The following MAST2 variants were observed in gnomAD, a reference collection of about 807,000 sequenced individuals.
MAST2 encodes the protein microtubule-associated serine/threonine-protein kinase 2.
Under a neutral mutation model 147.4 loss-of-function variants are expected in MAST2, and 70 were observed. The ratio of observed to expected loss-of-function variants is 0.47; its 90% CI spans 0.39 to 0.58. MAST2 has a LOEUF of 0.58. Among genes scored for constraint, MAST2 ranks in the 20% least tolerant of loss-of-function variants. The pLI is 0.00. For missense variants in MAST2, 2,080 were observed against 2,302.3 expected, an observed-to-expected ratio of 0.90 and a Z score of 1.98; for synonymous variants, 869 against 896.8, an observed-to-expected ratio of 0.97 and a Z score of 0.55.
intron 3 of MAST2, among the ~76,000 whole-genome samples, chr1:45,860,684 T>C (rs970462922): frequency 3.3e-5 from 5 of 151,546 alleles, no homozygotes; most frequent in African/African-American, 1.2e-4. Flanking sequence ...ATACAAAAAT[T>C]AGCCAAGCGT....
rs2148612126 is a variant in MAST2 at position 45,803,797 on chromosome 1, G to T, written c.-99G>T. On this transcript the variant is annotated 5_prime_UTR_variant, in exon 1 of 29. Coordinates refer to ENST00000361297, the MANE Select transcript of MAST2 (RefSeq NM_015112.3). ...GGCTTAGGGAGCCCGTCCGGCCATG[G>T]TGGCCGCGGGTGGTGGTTGGCGCGG... is the stretch of plus-strand genomic sequence containing the variant. 1 of 366,362 alleles carries T rather than the reference G, an allele frequency of 2.7e-6. No homozygotes were observed. Among genetic ancestry groups the T allele is most frequent in the South Asian group, 1.4e-4 (1 of 7,040 alleles). 22.7% of individuals were successfully genotyped at this position (366,362 alleles called of 1,614,324 possible). A position where few individuals can be genotyped will look rare whatever the true frequency, so the allele number is the denominator to read the frequency against.
intron 3 of MAST2, among the ~76,000 whole-genome samples, chr1:45,840,343 C>T (rs769589071): frequency 2.6e-5 from 4 of 152,034 alleles, no homozygotes; most frequent in African/African-American, 7.2e-5. Flanking sequence ...TGGGTTTACC[C>T]GTTAATTTAT....
chr1:45,940,730 C>T (rs1258770725), intron 4 of MAST2, among the ~76,000 whole-genome samples: 1 of 151,948 alleles, frequency 6.6e-6, no homozygotes, highest in Non-Finnish European at 1.5e-5. Flanking sequence ...CGCCATTCTC[C>T]TGCCTCAGCC....
rs757843440 is a variant in MAST2, at chr1:46,006,336, C to A, written c.843C>A (p.Ser281Arg). Reference protein sequence around the residue: ...HFLTKHFSTESVPDEEGRQSP... With the variant: ...HFLTKHFSTERVPDEEGRQSP... Reference sequence around the variant, plus strand: ...TGACGAAGCATTTCAGCACAGAGAGCGTACCAGATGAGGAAGGACGGCAGT... The same window carrying A: ...TGACGAAGCATTTCAGCACAGAGAGAGTACCAGATGAGGAAGGACGGCAGT... The change falls in exon 8 of 29, where the codon AGC becomes AGA. Residue 281 changes from serine to arginine, a missense_variant. Physicochemically the swap from Ser to Arg is moderately radical, Grantham distance 110 (BLOSUM62 -1). Around this residue, in one of 4 missense-constraint regions of MAST2, gnomAD observed 569 missense variants for 642.5 expected, o/e 0.89. Transcript: ENST00000361297. 6.2e-7 allele frequency: 1 copy of A among 1,613,904 alleles called. No individual in the cohort carries two copies. The highest frequency in any genetic ancestry group is 1.7e-5 in the Admixed American group (1 of 59,996).
In MAST2 at chr1:46,035,222, C is replaced by T. The variant is rs1380119327; in HGVS notation, c.4553C>T (p.Ala1518Val). ...TEEGPENSQG[A>V]QELSLAPHPE... ...GAAGGGCCTGAGAACAGCCAGGGTG[C>T]ACAGGAGCTGAGCTTGGCACCTCAC... The change falls in exon 29 of 29, where the codon GCA becomes GTA. Residue 1518 changes from alanine (A) to valine (V), a missense_variant. Transcript: ENST00000361297. This position sits in a 1 kb window ranked among gnomAD's most constrained non-coding sequence, Gnocchi z 5.5. 1 of 1,613,922 alleles carries T rather than the reference C, an allele frequency of 6.2e-7. No individual in the cohort carries two copies. Among genetic ancestry groups the T allele is most frequent in the Non-Finnish European group, 8.5e-7 (1 of 1,180,034 alleles).
intron 3 of MAST2, among the ~76,000 whole-genome samples, chr1:45,881,373 A>G (rs1274431879): frequency 1.3e-5 from 2 of 152,282 alleles, no homozygotes; most frequent in Non-Finnish European, 2.9e-5. Flanking sequence ...ATGTCAACAG[A>G]GGAATACATA....
At chr1:45,914,772 C>G (rs1022629401) in intron 4 of MAST2, among the ~76,000 whole-genome samples, 2 of 151,986 alleles carry the variant, frequency 1.3e-5, no homozygotes, top group African/African-American at 4.8e-5. Context: ...GTAGTATTGA[C>G]ACACTTTAAA....
In MAST2 at chr1:46,035,164, C is replaced by T. The variant is rs200466794; in HGVS notation, c.4495C>T (p.Arg1499Cys). 10 of 1,613,802 alleles carry T rather than the reference C, an allele frequency of 6.2e-6. No individual in the cohort carries two copies. Among genetic ancestry groups the T allele is most frequent in the East Asian group, 2.2e-5 (1 of 44,886 alleles). The change falls in exon 29 of 29, where the codon CGT becomes TGT. Residue 1499 changes from arginine (R) to cysteine (C), a missense_variant. This residue lies in a region of MAST2 where 1,278 missense variants were observed against 1,304.2 expected (regional missense o/e 0.98). Coordinates refer to ENST00000361297, the MANE Select transcript of MAST2 (RefSeq NM_015112.3). The surrounding 1 kb of genome is among the most constrained non-coding windows in gnomAD (Gnocchi z 5.5). The stretch of plus-strand genomic sequence containing the variant: ...GTCGCTGCAGAAGCAAGAAGCCATT[C>T]GTGAGGTGGACTCCTCAGAGGACGA... ...RESLQKQEAI[R>C]EVDSSEDDTE...
chr1:45,888,307 A>G (rs1647179520), intron 4 of MAST2, among the ~76,000 whole-genome samples: 1 of 151,832 alleles, frequency 6.6e-6, no homozygotes, highest in Non-Finnish European at 1.5e-5. Flanking sequence ...CCTTACACTC[A>G]CAAGTCTTTT....
intron 1 of MAST2, among the ~76,000 whole-genome samples, chr1:45,818,584 T>G (rs916798807): frequency 6.6e-6 from 1 of 152,232 alleles, no homozygotes; most frequent in Non-Finnish European, 1.5e-5. Flanking sequence ...GACTGTAGGA[T>G]GGTCGATGTT....
intron 3 of MAST2, chr1:45,847,515 TG>T: frequency 1.3e-6 from 1 of 794,078 alleles, no homozygotes; most frequent in Non-Finnish European, 2.0e-6. Context: ...TTCTTATTTG[TG>T]GGCCTCTCTC....
chr1:46,019,167 G>T (rs903297144), intron 10 of MAST2, among the ~76,000 whole-genome samples: 10 of 151,948 alleles, frequency 6.6e-5, no homozygotes, highest in Admixed American at 6.6e-4. Flanking sequence ...GCCCTCTTTA[G>T]TGTACTCTCT....
At chr1:45,890,461 T>C (rs1475292836) in intron 4 of MAST2, among the ~76,000 whole-genome samples, 1 of 152,218 alleles carries the variant, frequency 6.6e-6, no homozygotes, top group Non-Finnish European at 1.5e-5. Context: ...CTTTATGTGG[T>C]ACACCAGCCT....
chr1:45,915,899 A>T lies in MAST2; in HGVS notation c.500+33504A>T, dbSNP rs115040678. 6.0e-3 allele frequency among the ~76,000 whole-genome samples: 918 copies of T among 152,316 alleles called. 8 individuals are homozygous for T. The highest frequency in any genetic ancestry group is 9.8e-3 in the Non-Finnish European group (665 of 68,018). On this transcript the variant is annotated intron_variant, in intron 4 of 28. Transcript: ENST00000361297. The stretch of plus-strand genomic sequence containing the variant: ...AATGTTCTAATTAGTTCTAACATAT[A>T]TATGAAGGAGCTTAACTTTGAAATA...
At position 46,032,391 on chromosome 1, in the gene MAST2, A is replaced by G; in HGVS notation, c.3401A>G (p.His1134Arg). 1 of 1,613,938 alleles carries G rather than the reference A, an allele frequency of 6.2e-7. No homozygotes were observed. Among genetic ancestry groups the G allele is most frequent in the Non-Finnish European group, 8.5e-7 (1 of 1,179,858 alleles). The change falls in exon 25 of 29, where the codon CAC (histidine) becomes CGC (arginine). Residue 1134 changes from histidine to arginine, a missense_variant. Coordinates refer to ENST00000361297, the MANE Select transcript of MAST2 (RefSeq NM_015112.3). Reference protein sequence around the residue: ...YMGDSDVYTVHHMVWHVEDGG... With the variant: ...YMGDSDVYTVRHMVWHVEDGG... ...GGTGACTCCGATGTCTACACCGTGC[A>G]CCATATGGTGTGGGTATGTCTGACC...
chr1:45,865,039 C>A (rs1646098520), intron 3 of MAST2: 1 of 446,560 alleles, frequency 2.2e-6, no homozygotes, highest in East Asian at 7.0e-5. Flanking sequence ...CTTTATCCAG[C>A]AGTAAGTAGG....
In MAST2 at chr1:46,023,183, A is replaced by G. The variant is rs1646260839; in HGVS notation, c.1486-50A>G. ...CTAGAGCCACAGCTTCTGCAAGGAT[A>G]TGGGCTCTGAGAAGCATGCCTGTCT... On this transcript the variant is annotated intron_variant, in intron 13 of 28. Coordinates refer to ENST00000361297, the MANE Select transcript of MAST2 (RefSeq NM_015112.3). The surrounding 1 kb of genome is among the most constrained non-coding windows in gnomAD (Gnocchi z 4.9). 2.0e-6 allele frequency: 3 copies of G among 1,513,560 alleles called. No individual in the cohort carries two copies. Among genetic ancestry groups the G allele is most frequent in the Non-Finnish European group, 2.8e-6 (3 of 1,088,332 alleles). 93.8% of individuals were successfully genotyped at this position (1,513,560 alleles called of 1,614,324 possible).
intron 4 of MAST2, among the ~76,000 whole-genome samples, chr1:45,908,136 T>C (rs1651083068): frequency 6.6e-6 from 1 of 152,102 alleles, no homozygotes; most frequent in South Asian, 2.1e-4. Flanking sequence ...TTATTTTCTG[T>C]TCCTAATTTC....
chr1:45,971,516 T>C (rs1643912280), intron 5 of MAST2, among the ~76,000 whole-genome samples: 1 of 152,154 alleles, frequency 6.6e-6, no homozygotes, highest in South Asian at 2.1e-4. Context: ...ATATCCACGT[T>C]CCCACACCAC....
Sources: gnomAD v4.1 joint callset for allele counts (sites outside exome capture counted in the v4.1 genomes callset) on GRCh38, gnomAD v4.1.1 for gene constraint, gnomAD v4.1.1 regional missense constraint, Gnocchi (gnomAD v3.1) non-coding constraint, MANE v1.5 for transcripts, NCBI Gene and HGNC (gene_info 2026-07-23, HGNC 2026-07-21) for gene names.